POU6F2: variants seen among roughly 807,000 people sequenced by gnomAD.
POU6F2 encodes POU class 6 homeobox 2, also known as POU domain, class 6, transcription factor 2.
In POU6F2, 31 loss-of-function variants were observed where a neutral mutation model predicts 71.3. That is an observed-to-expected ratio of 0.43 (90% CI 0.33 to 0.59). POU6F2 has a LOEUF of 0.59. Among genes scored for constraint, POU6F2 ranks in the 20% least tolerant of loss-of-function variants. The pLI, the probability that POU6F2 is intolerant of heterozygous loss-of-function variation, is 0.04. For missense variants in POU6F2, 783 were observed against 856.8 expected (o/e 0.91, Z 1.07); for synonymous variants, 347 against 355.7 (o/e 0.98, Z 0.27).
At chr7:39,077,166 G>T (rs1791019283) in intron 1 of POU6F2, among the ~76,000 whole-genome samples, 1 of 152,196 alleles carries the variant, frequency 6.6e-6, no homozygotes. Flanking sequence ...ATCTAGATGA[G>T]CCTGGATTGA....
At position 39,190,417 on chromosome 7, in the gene POU6F2, T is replaced by TAAAAAAAAA. The variant is rs57872350; in HGVS notation, c.278-13797_278-13789dup. 1.9e-3 allele frequency among the ~76,000 whole-genome samples: 113 copies of TAAAAAAAAA among 59,906 alleles called. 10 individuals carry two copies. Among genetic ancestry groups the TAAAAAAAAA allele is most frequent in the African/African-American group, 8.2e-3 (111 of 13,588 alleles). The allele number at this position is 59,906 out of a possible 152,430, so 39.3% of individuals were successfully genotyped here. On this transcript the variant is annotated intron_variant, in intron 2 of 9. Coordinates refer to ENST00000518318, the MANE Select transcript of POU6F2 (RefSeq NM_001370959.1). ...TTCCTTTTCCTCCTCCTCCTTTTCTTAAAAAAAAAAAAAAAAAAAAAAAAA... is the reference window on the plus strand; with the variant it reads ...TTCCTTTTCCTCCTCCTCCTTTTCTTAAAAAAAAAAAAAAAAAAAAAAAAAAAAAAAAAA...
intron 6 of POU6F2, among the ~76,000 whole-genome samples, chr7:39,414,277 G>GTGC (rs1436831632): frequency 1.3e-5 from 2 of 152,230 alleles, no homozygotes; most frequent in Non-Finnish European, 2.9e-5. Context: ...GGTGATTTCT[G>GTGC]TGCTGTTTTG....
At chr7:39,376,072 A>G (rs1292433896) in intron 5 of POU6F2, among the ~76,000 whole-genome samples, 1 of 152,066 alleles carries the variant, frequency 6.6e-6, no homozygotes, top group Non-Finnish European at 1.5e-5. Flanking sequence ...ACCTTTTTTT[A>G]TTTGAAGGAA....
Position 39,375,345 on chromosome 7 carries a change from T to C in POU6F2, c.973-31255T>C, listed in dbSNP as rs188286017. On this transcript the variant is annotated intron_variant, in intron 5 of 9. Transcript: ENST00000518318. The stretch of plus-strand genomic sequence containing the variant: ...TTGTTTCAGCCATTAAATGAATAAA[T>C]ATTTTTCTCCTAGGGATGGCTATTT... Among the ~76,000 whole-genome samples the C allele has an allele frequency of 2.6e-5, 4 of 152,302 alleles. 1 individual carries two copies. Among genetic ancestry groups the C allele is most frequent in the African/African-American group, 9.6e-5 (4 of 41,560 alleles).
At chr7:39,275,973 A>G (rs1478351852) in intron 4 of POU6F2, among the ~76,000 whole-genome samples, 1 of 152,108 alleles carries the variant, frequency 6.6e-6, no homozygotes, top group Non-Finnish European at 1.5e-5. Context: ...AGGCATTACC[A>G]TTCAGGACAT....
intron 1 of POU6F2, among the ~76,000 whole-genome samples, chr7:39,019,324 T>A (rs1259394068): frequency 6.6e-6 from 1 of 152,172 alleles, no homozygotes; most frequent in African/African-American, 2.4e-5. Flanking sequence ...TGGTCCTTCT[T>A]CCTTTGAAGA....
At chr7:39,422,348 G>C (rs1042332861) in intron 6 of POU6F2, among the ~76,000 whole-genome samples, 1 of 152,044 alleles carries the variant, frequency 6.6e-6, no homozygotes, top group Non-Finnish European at 1.5e-5. Flanking sequence ...AAATAAATAA[G>C]TGAGGAAAAA....
chr7:38,992,835 G>T (rs1488096064), intron 1 of POU6F2, among the ~76,000 whole-genome samples: 1 of 152,140 alleles, frequency 6.6e-6, no homozygotes, highest in Non-Finnish European at 1.5e-5. Context: ...AAGTGACTGT[G>T]AATAATTTTC....
intron 4 of POU6F2, among the ~76,000 whole-genome samples, chr7:39,210,910 G>A (rs1794129611): frequency 6.6e-6 from 1 of 152,166 alleles, no homozygotes; most frequent in Non-Finnish European, 1.5e-5. Flanking sequence ...ACCATAGGTA[G>A]GGTGGTTTAT....
At chr7:39,045,999 A>G (rs954216155) in intron 1 of POU6F2, among the ~76,000 whole-genome samples, 4 of 151,834 alleles carry the variant, frequency 2.6e-5, no homozygotes, top group African/African-American at 9.7e-5. Context: ...GGTCATATTG[A>G]TATGTTTATG....
intron 8 of POU6F2, among the ~76,000 whole-genome samples, chr7:39,458,005 T>C: frequency 6.6e-6 from 1 of 151,620 alleles, no homozygotes; most frequent in Non-Finnish European, 1.5e-5. Flanking sequence ...TTGCCCTCCT[T>C]CCTCCCCACC....
intron 4 of POU6F2, among the ~76,000 whole-genome samples, chr7:39,335,662 A>G (rs527978702): frequency 4.6e-5 from 7 of 152,340 alleles, no homozygotes; most frequent in Admixed American, 3.9e-4. Context: ...CAATAACACC[A>G]TCTATCCATA....
chr7:39,211,905 G>A (rs914544674), intron 4 of POU6F2, among the ~76,000 whole-genome samples: 15 of 152,062 alleles, frequency 9.9e-5, no homozygotes, highest in Non-Finnish European at 1.6e-4. Context: ...CCATGATTCC[G>A]GTTCACTCAT....
intron 8 of POU6F2, among the ~76,000 whole-genome samples, chr7:39,457,054 A>G (rs1327204018): frequency 1.3e-5 from 2 of 152,362 alleles, no homozygotes; most frequent in African/African-American, 2.4e-5. Context: ...AACTCTTGTT[A>G]TTGTCAGTGA....
rs138480319 is a variant in POU6F2 at position 39,176,976 on chromosome 7, C to A, written c.278-27259C>A. Among the ~76,000 whole-genome samples the A allele has an allele frequency of 2.0e-5, 3 of 152,356 alleles. No homozygotes were observed. The East Asian group carries it at 5.8e-4, about 29-fold the overall frequency. ...AGAAAGTCACAGAATTCCTTTGCAG[C>A]CGCATCTCATGACTTACTCTTCAAC... On this transcript the variant is annotated intron_variant, in intron 2 of 9. Transcript: ENST00000518318.
At chr7:39,339,077 ATT>A (rs3072124) in intron 4 of POU6F2, among the ~76,000 whole-genome samples, 82 of 139,834 alleles carry the variant, frequency 5.9e-4, no homozygotes, top group African/African-American at 2.0e-3. Flanking sequence ...CTGCTTTTGA[ATT>A]TTTAAAAAAA....
rs981660914 is a variant in POU6F2, at chr7:39,268,317, G to A, written c.598+60697G>A. Among the ~76,000 whole-genome samples the A allele has an allele frequency of 2.0e-5, 3 of 152,194 alleles. No individual in the cohort carries two copies. The East Asian group carries it at 5.8e-4, about 29-fold the overall frequency. ...GGTGCAGGGACACTAATTGGTGCCA[G>A]TTTAGATCTGCCTGATGTTATCTTT... On this transcript the variant is annotated intron_variant, in intron 4 of 9. Coordinates refer to ENST00000518318, the MANE Select transcript of POU6F2 (RefSeq NM_001370959.1).
At chr7:39,257,900 A>G (rs1479398673) in intron 4 of POU6F2, among the ~76,000 whole-genome samples, 1 of 152,166 alleles carries the variant, frequency 6.6e-6, no homozygotes, top group Non-Finnish European at 1.5e-5. Context: ...ATGTATATCA[A>G]AGCTTTCAGA....
intron 8 of POU6F2, among the ~76,000 whole-genome samples, chr7:39,459,355 T>C (rs1414918338): frequency 1.3e-5 from 2 of 152,152 alleles, no homozygotes; most frequent in Non-Finnish European, 2.9e-5. Flanking sequence ...AATGAGAAAA[T>C]CTGTACATGA....
Sources: gnomAD v4.1 joint callset for allele counts (sites outside exome capture counted in the v4.1 genomes callset) on GRCh38, gnomAD v4.1.1 for gene constraint, MANE v1.5 for transcripts, NCBI Gene and HGNC (gene_info 2026-07-23, HGNC 2026-07-21) for gene names.